Variants in GLIS3 observed in about 807,000 individuals in gnomAD.
GLIS3 encodes the protein GLIS family zinc finger 3.
A neutral mutation model predicts 78.6 loss-of-function variants in GLIS3; 53 were observed. That is an observed-to-expected ratio of 0.67 (90% CI 0.54 to 0.85). GLIS3 has a LOEUF of 0.85. Ranked by LOEUF, GLIS3 falls within the 40% of genes least tolerant of loss-of-function variation. The pLI is 0.00. For missense variants in GLIS3, 1,703 were observed against 1,231.1 expected (o/e 1.38, Z -5.74); for synonymous variants, 684 against 509.9 (o/e 1.34, Z -4.60).
rs561340316 is a variant in GLIS3 at position 4,184,385 on chromosome 9, T to G, written c.389-58444A>C. Among the ~76,000 whole-genome samples, 7 of 152,302 alleles carry G rather than the reference T, an allele frequency of 4.6e-5. No individual in the cohort carries two copies. In the East Asian group the frequency reaches 1.4e-3, roughly 29 times the overall value. ...TCATGCAGCAACCAAATAAAGAATATAACAATATAATCTTACTTTTCCCAG... is the reference window on the plus strand; with the variant it reads ...TCATGCAGCAACCAAATAAAGAATAGAACAATATAATCTTACTTTTCCCAG... On this transcript the variant is annotated intron_variant, in intron 2 of 10. Transcript: ENST00000381971.
Position 3,903,953 on chromosome 9 carries a change from G to C in GLIS3, c.1984-5118C>G, listed in dbSNP as rs147229345. On this transcript the variant is annotated intron_variant, in intron 6 of 10. Coordinates refer to ENST00000381971, the MANE Select transcript of GLIS3 (RefSeq NM_001042413.2). ...TGGGGTGGGGTGTAACACTGAGAGA[G>C]AAGGAAGAAATGAGGTCTGAGGTCA... Among the ~76,000 whole-genome samples the C allele has an allele frequency of 3.3e-3, 497 of 152,264 alleles. 2 individuals carry two copies. Among genetic ancestry groups the C allele is most frequent in the African/African-American group, 0.011 (474 of 41,558 alleles).
intron 2 of GLIS3, among the ~76,000 whole-genome samples, chr9:4,151,548 A>G (rs1834680853): frequency 6.6e-6 from 1 of 152,122 alleles, no homozygotes. Context: ...TCTCTTCTCA[A>G]AGAAAGTTTA....
At chr9:3,881,223 A>C (rs1821709376) in intron 7 of GLIS3, among the ~76,000 whole-genome samples, 1 of 152,328 alleles carries the variant, frequency 6.6e-6, no homozygotes, top group Admixed American at 6.5e-5. Context: ...TACTATTCCA[A>C]AATCTAATGG....
chr9:4,235,409 G>T (rs898871223), intron 2 of GLIS3, among the ~76,000 whole-genome samples: 6 of 151,730 alleles, frequency 4.0e-5, no homozygotes, highest in African/African-American at 2.4e-5. Context: ...CACCGCTTAA[G>T]ACTCAAAATG....
At chr9:4,166,146 T>C (rs1350382052) in intron 2 of GLIS3, among the ~76,000 whole-genome samples, 2 of 152,178 alleles carry the variant, frequency 1.3e-5, no homozygotes, top group Non-Finnish European at 2.9e-5. Flanking sequence ...GCACATCACA[T>C]AATTGTTCTG....
intron 4 of GLIS3, among the ~76,000 whole-genome samples, chr9:4,075,411 C>CAAA (rs59194808): frequency 7.5e-4 from 89 of 118,166 alleles, no homozygotes; most frequent in East Asian, 2.2e-3. Flanking sequence ...ACTAAAAATA[C>CAAA]AAAAAAAAAA....
At chr9:4,195,979 G>T (rs1168742726) in intron 2 of GLIS3, among the ~76,000 whole-genome samples, 1 of 150,984 alleles carries the variant, frequency 6.6e-6, no homozygotes, top group African/African-American at 2.4e-5. Flanking sequence ...TCTAGGTCAA[G>T]GTTTGTAAAT....
At chr9:4,386,283 T>C in the GLIS3 span, 5 of 152,242 alleles carry the variant, frequency 3.3e-5, no homozygotes, top group Non-Finnish European at 5.9e-5. Context: ...TACATGTGTA[T>C]TATAGGGCTG....
intron 8 of GLIS3, among the ~76,000 whole-genome samples, chr9:3,865,307 A>C (rs1820500409): frequency 6.6e-6 from 1 of 152,224 alleles, no homozygotes; most frequent in South Asian, 2.1e-4. Context: ...TTAGCAGCTA[A>C]GTCTCCTGAC....
chr9:4,271,151 A>C (rs974708290), intron 2 of GLIS3, among the ~76,000 whole-genome samples: 1 of 152,184 alleles, frequency 6.6e-6, no homozygotes, highest in Non-Finnish European at 1.5e-5. Context: ...ATTAATAATA[A>C]TACTAGAAAA....
Position 3,888,492 on chromosome 9 carries a change from C to T in GLIS3, c.2129-8897G>A, listed in dbSNP as rs118142116. Among the ~76,000 whole-genome samples the T allele has an allele frequency of 2.6e-5, 4 of 152,300 alleles. No homozygotes were observed. In the East Asian group the frequency reaches 5.8e-4, roughly 22 times the overall value. On this transcript the variant is annotated intron_variant, in intron 7 of 10. Coordinates refer to ENST00000381971, the MANE Select transcript of GLIS3 (RefSeq NM_001042413.2). ...ATTCTAGCCAAAGTCAAGGGATGACCTATCAATCAACTCTGAACTCTCTCA... is the reference window on the plus strand; with the variant it reads ...ATTCTAGCCAAAGTCAAGGGATGACTTATCAATCAACTCTGAACTCTCTCA...
chr9:4,317,061 G>A (rs1406181738), intron 2 of GLIS3, among the ~76,000 whole-genome samples: 1 of 152,212 alleles, frequency 6.6e-6, no homozygotes, highest in Non-Finnish European at 1.5e-5. Context: ...AGATGAGGAT[G>A]CTTGAGCAGG....
At chr9:4,466,342 G>A in the GLIS3 span, among the ~76,000 whole-genome samples, 4 of 152,156 alleles carry the variant, frequency 2.6e-5, no homozygotes, top group Non-Finnish European at 5.9e-5. Flanking sequence ...TCCAGGCCCA[G>A]ATGGCTTCAC....
upstream of GLIS3, among the ~76,000 whole-genome samples, chr9:4,304,807 A>C (rs1042478030): frequency 4.4e-4 from 67 of 152,174 alleles, no homozygotes; most frequent in African/African-American, 1.6e-3. Context: ...GGTTTGAAAA[A>C]ACTTGGAGAT....
the GLIS3 span, among the ~76,000 whole-genome samples, chr9:4,399,773 T>TACAGA: frequency 9.2e-5 from 14 of 152,166 alleles, no homozygotes; most frequent in Non-Finnish European, 1.9e-4. Flanking sequence ...TGTGGGATGC[T>TACAGA]ATGAGCAGCT....
intron 4 of GLIS3, among the ~76,000 whole-genome samples, chr9:3,997,069 C>A (rs532555394): frequency 4.6e-5 from 7 of 152,114 alleles, no homozygotes; most frequent in Non-Finnish European, 1.0e-4. Context: ...GAGTTGCGGC[C>A]GGGCGCGGTG....
intron 2 of GLIS3, among the ~76,000 whole-genome samples, chr9:4,278,317 G>A (rs76499353): frequency 3.3e-5 from 5 of 152,198 alleles, no homozygotes; most frequent in African/African-American, 4.8e-5. Context: ...TCCCCACTAA[G>A]AGGGACTTGA....
chr9:3,999,603 T>G (rs1820987730), intron 4 of GLIS3, among the ~76,000 whole-genome samples: 1 of 152,072 alleles, frequency 6.6e-6, no homozygotes, highest in Admixed American at 6.6e-5. Flanking sequence ...TGAAAGACAT[T>G]AACAAAGATA....
chr9:4,185,181 T>C (rs1158858147), intron 2 of GLIS3, among the ~76,000 whole-genome samples: 2 of 152,228 alleles, frequency 1.3e-5, no homozygotes, highest in East Asian at 1.9e-4. Context: ...TAACACTTTG[T>C]ACCAACGCAA....
Sources: gnomAD v4.1 joint callset for allele counts (sites outside exome capture counted in the v4.1 genomes callset) on GRCh38, gnomAD v4.1.1 for gene constraint, MANE v1.5 for transcripts, NCBI Gene and HGNC (gene_info 2026-07-23, HGNC 2026-07-21) for gene names.